The following PPP2R2C variants were observed in gnomAD, a reference collection of about 807,000 sequenced individuals.
PPP2R2C encodes protein phosphatase 2, regulatory subunit B, gamma.
A neutral mutation model predicts 45.3 loss-of-function variants in PPP2R2C; 10 were observed. The ratio of observed to expected loss-of-function variants is 0.22; its 90% CI spans 0.14 to 0.37. PPP2R2C has a LOEUF of 0.37. PPP2R2C is among the 10% of genes least tolerant of loss of function. The pLI is 1.00. For missense variants in PPP2R2C, 308 were observed against 619.7 expected, an observed-to-expected ratio of 0.50 and a Z score of 5.34; for synonymous variants, 257 against 245.4, an observed-to-expected ratio of 1.05 and a Z score of -0.44.
At chr4:6,511,243 G>GTGATGC (rs79894855) in intron 2 of PPP2R2C, among the ~76,000 whole-genome samples, 4,680 of 144,446 alleles carry the variant, frequency 0.032, 253 homozygotes, top group African/African-American at 0.12. Context: ...CGTTCCGCTG[G>GTGATGC]TGATGCTGAT....
chr4:6,417,509 A>C (rs1345676462), intron 1 of PPP2R2C, among the ~76,000 whole-genome samples: 1 of 152,192 alleles, frequency 6.6e-6, no homozygotes, highest in Non-Finnish European at 1.5e-5. Flanking sequence ...ACTGAGAACA[A>C]GCCTCAGGCT....
chr4:6,397,858 A>T (rs4689430), intron 1 of PPP2R2C, among the ~76,000 whole-genome samples: 12,245 of 152,300 alleles, frequency 0.08, 1,004 homozygotes, highest in African/African-American at 0.2. Context: ...GCAATAAATA[A>T]ATAAATAAAG....
intron 1 of PPP2R2C, among the ~76,000 whole-genome samples, chr4:6,444,494 T>C (rs959459473): frequency 5.3e-5 from 8 of 152,196 alleles, no homozygotes; most frequent in African/African-American, 1.9e-4. Flanking sequence ...AAATTCCAAA[T>C]ACACTCTGCC....
chr4:6,441,404 C>A (rs566079249), intron 1 of PPP2R2C, among the ~76,000 whole-genome samples: 1 of 152,040 alleles, frequency 6.6e-6, no homozygotes, highest in Non-Finnish European at 1.5e-5. Context: ...CTCCTCAGCC[C>A]GCCCCATGAG....
intron 5 of PPP2R2C, among the ~76,000 whole-genome samples, chr4:6,369,209 G>A (rs1001965744): frequency 2.6e-5 from 4 of 152,162 alleles, no homozygotes; most frequent in African/African-American, 7.2e-5. Context: ...TAACGATGTC[G>A]CTCCTCAGTC....
At chr4:6,528,171 G>A (rs941061423) in intron 2 of PPP2R2C, among the ~76,000 whole-genome samples, 2 of 152,260 alleles carry the variant, frequency 1.3e-5, no homozygotes. Context: ...GGCCTGGGAA[G>A]TCCTCGGCCC....
At chr4:6,458,832 T>C (rs1315377114) in intron 1 of PPP2R2C, among the ~76,000 whole-genome samples, 4 of 152,150 alleles carry the variant, frequency 2.6e-5, no homozygotes, top group Non-Finnish European at 5.9e-5. Context: ...TGTCTCATGA[T>C]CTGAGCTGGG....
chr4:6,405,065 A>G (rs945586706), intron 1 of PPP2R2C, among the ~76,000 whole-genome samples: 1 of 152,226 alleles, frequency 6.6e-6, no homozygotes. Flanking sequence ...CGGGCACAAA[A>G]TAAGTGGGAC....
At chr4:6,438,876 T>C (rs1249546269) in intron 1 of PPP2R2C, among the ~76,000 whole-genome samples, 1 of 152,236 alleles carries the variant, frequency 6.6e-6, no homozygotes, top group Admixed American at 6.5e-5. Flanking sequence ...GAATAATACA[T>C]GAGTGGTATC....
chr4:6,535,229 C>T, intron 2 of PPP2R2C: 1 of 1,532,854 alleles, frequency 6.5e-7, no homozygotes, highest in South Asian at 1.2e-5. Flanking sequence ...CGTCCCCAAG[C>T]TCACCGGCGC....
chr4:6,435,505 G>A (rs563199254), intron 1 of PPP2R2C, among the ~76,000 whole-genome samples: 148 of 152,266 alleles, frequency 9.7e-4, no homozygotes, highest in Non-Finnish European at 1.5e-3. Context: ...GTTTTCTTGC[G>A]CATATTTTTC....
At position 6,333,745 on chromosome 4, in the gene PPP2R2C, G is replaced by A. The variant is rs955522799; in HGVS notation, c.791-14C>T. ...GCTCTTCAAAGACTGTGGAGACAGA[G>A]AAGCAATGGCCGTCACTGCGCTGCT... On this transcript the variant is annotated splice_polypyrimidine_tract_variant and intron_variant, in intron 6 of 8. Coordinates refer to ENST00000382599, the MANE Select transcript of PPP2R2C (RefSeq NM_020416.4). 2 of 1,613,956 alleles carry A rather than the reference G, an allele frequency of 1.2e-6. No individual in the cohort carries two copies. The highest frequency in any genetic ancestry group is 1.7e-6 in the Non-Finnish European group (2 of 1,179,918).
intron 1 of PPP2R2C, among the ~76,000 whole-genome samples, chr4:6,420,460 A>C (rs1718890518): frequency 6.6e-6 from 1 of 152,156 alleles, no homozygotes; most frequent in Admixed American, 6.5e-5. Context: ...GGACAGATGT[A>C]CTTTTTCTGC....
At chr4:6,381,384 A>G in intron 1 of PPP2R2C, 2 of 1,465,116 alleles carry the variant, frequency 1.4e-6, no homozygotes, top group East Asian at 2.9e-5. Context: ...TGGACACTCT[A>G]TGGGACTCAC....
rs575567187 is a variant in PPP2R2C at position 6,462,765 on chromosome 4, C to T, written c.70+9395G>A. Among the ~76,000 whole-genome samples the T allele has an allele frequency of 4.6e-5, 7 of 152,344 alleles. No individual in the cohort carries two copies. In the South Asian group the frequency reaches 1.5e-3, roughly 32 times the overall value. ...AAATGCCCTCAACACTCAGAGATGC[C>T]TGCAGATGGAACGGGGAAATGACAG... On this transcript the variant is annotated intron_variant, in intron 1 of 8. Coordinates refer to ENST00000382599, the MANE Select transcript of PPP2R2C (RefSeq NM_020416.4).
At chr4:6,336,014 C>T (rs1179158636) in intron 6 of PPP2R2C, among the ~76,000 whole-genome samples, 4 of 152,202 alleles carry the variant, frequency 2.6e-5, no homozygotes, top group Middle Eastern at 3.4e-3. Flanking sequence ...TGGCACTGCA[C>T]CGGGTATCCT....
chr4:6,528,525 C>T (rs773493489), intron 2 of PPP2R2C, among the ~76,000 whole-genome samples: 4 of 97,518 alleles, frequency 4.1e-5, no homozygotes, highest in Non-Finnish European at 8.1e-5. Context: ...ACCCTGGCGT[C>T]TGAGAGCCAG....
At chr4:6,418,605 C>G (rs1453375191) in intron 1 of PPP2R2C, among the ~76,000 whole-genome samples, 8 of 152,158 alleles carry the variant, frequency 5.3e-5, no homozygotes, top group South Asian at 4.1e-4. Flanking sequence ...ACACCCCCCA[C>G]ATAGGCTGAG....
At chr4:6,405,082 C>A (rs1717705901) in intron 1 of PPP2R2C, among the ~76,000 whole-genome samples, 1 of 152,216 alleles carries the variant, frequency 6.6e-6, no homozygotes, top group South Asian at 2.1e-4. Flanking sequence ...GGACATGAGA[C>A]TGAGGGCTGC....
Sources: allele counts gnomAD v4.1 joint callset (sites outside exome capture counted in the v4.1 genomes callset), GRCh38; gene constraint gnomAD v4.1.1; transcripts MANE v1.5; gene names NCBI Gene and HGNC (gene_info 2026-07-23, HGNC 2026-07-21).